Variants in HTR4 observed in about 807,000 individuals in gnomAD.
The protein encoded by HTR4 is 5-hydroxytryptamine (serotonin) receptor 4, G protein-coupled.
Under a neutral mutation model 36.8 loss-of-function variants are expected in HTR4, and 16 were observed. The ratio of observed to expected loss-of-function variants is 0.43; its 90% CI spans 0.29 to 0.66. The LOEUF is 0.66. Ranked by LOEUF, HTR4 falls within the 30% of genes least tolerant of loss-of-function variation. The pLI, the probability that HTR4 is intolerant of heterozygous loss-of-function variation, is 0.13. For synonymous variants in HTR4, 189 were observed against 185.1 expected (o/e 1.02, Z -0.17); for missense variants, 438 against 490.9 (o/e 0.89, Z 1.02).
In HTR4 at chr5:148,508,592, G is replaced by A. The variant is rs537944620; in HGVS notation, c.1076+864C>T. Among the ~76,000 whole-genome samples the A allele has an allele frequency of 1.1e-4, 16 of 152,134 alleles. No individual in the cohort carries two copies. The South Asian group carries it at 3.3e-3, about 32-fold the overall frequency. The stretch of plus-strand genomic sequence containing the variant: ...TCTCCTCCATGTCTCAAATTCTTAG[G>A]AAATACTGTTCTGTGTTCTGTAAAG... On this transcript the variant is annotated intron_variant, in intron 6 of 6. Transcript: ENST00000377888.
chr5:148,459,521 G>A (rs1161641720), intron 5 of HTR4, among the ~76,000 whole-genome samples: 1 of 151,974 alleles, frequency 6.6e-6, no homozygotes, highest in African/African-American at 2.4e-5. Context: ...GAACCAAAGG[G>A]GGTGACAAAC....
chr5:148,452,891 A>G (rs1322669611), intron 5 of HTR4, among the ~76,000 whole-genome samples: 2 of 152,228 alleles, frequency 1.3e-5, no homozygotes, highest in Non-Finnish European at 1.5e-5. Flanking sequence ...GCAAGACCTT[A>G]GGGAAGCTAG....
At chr5:148,573,971 A>G (rs1371937833) in intron 2 of HTR4, among the ~76,000 whole-genome samples, 1 of 152,050 alleles carries the variant, frequency 6.6e-6, no homozygotes, top group Non-Finnish European at 1.5e-5. Flanking sequence ...ATATTTGGAG[A>G]AAAATTACCA....
intron 6 of HTR4, among the ~76,000 whole-genome samples, chr5:148,486,535 G>C (rs919741285): frequency 1.3e-5 from 2 of 152,102 alleles, no homozygotes; most frequent in African/African-American, 2.4e-5. Context: ...TTTCCCATTT[G>C]TTAAATGAAG....
chr5:148,530,744 C>T lies in HTR4; in HGVS notation c.354-7398G>A, dbSNP rs962934010. Among the ~76,000 whole-genome samples the T allele has an allele frequency of 2.0e-4, 30 of 152,322 alleles. No homozygotes were observed. In the Middle Eastern group the frequency reaches 0.01, roughly 52 times the overall value. On this transcript the variant is annotated intron_variant, in intron 4 of 6. Coordinates refer to ENST00000377888, the MANE Select transcript of HTR4 (RefSeq NM_000870.7). ...TCCACCAACAGCTTGCACTGTGCACCTTGAAAAGCTGCAGACACTCAATGC... is the reference window on the plus strand; with the variant it reads ...TCCACCAACAGCTTGCACTGTGCACTTTGAAAAGCTGCAGACACTCAATGC...
In HTR4 at chr5:148,482,814, C is replaced by A. The variant is rs949470346; in HGVS notation, c.*389G>T. ...TTTTGTTGATATCTGGAAGCCCACA[C>A]AGCAAAGAAGGCGTATTTGGAGACA... is the stretch of plus-strand genomic sequence containing the variant. On this transcript the variant is annotated 3_prime_UTR_variant, in exon 7 of 7. Transcript: ENST00000377888. 8.5e-6 allele frequency: 9 copies of A among 1,057,816 alleles called. No homozygotes were observed. The African/African-American group carries it at 1.3e-4, about 15-fold the overall frequency. 65.5% of individuals were successfully genotyped at this position (1,057,816 alleles called of 1,614,324 possible).
chr5:148,574,887 G>C (rs1293926515), intron 2 of HTR4, among the ~76,000 whole-genome samples: 2 of 152,000 alleles, frequency 1.3e-5, no homozygotes, highest in Non-Finnish European at 2.9e-5. Context: ...TCTGGTTTCT[G>C]CTGCTAAAAT....
Position 148,568,528 on chromosome 5 carries a change from A to G in HTR4, c.27-18266T>C, listed in dbSNP as rs1373973937. ...GTGGTAATGAATTACATATTGTAGA[A>G]TCACTCTTCTTTTTACAAATTGTCC... On this transcript the variant is annotated intron_variant, in intron 2 of 6. Coordinates refer to ENST00000377888, the MANE Select transcript of HTR4 (RefSeq NM_000870.7). Among the ~76,000 whole-genome samples, 6 of 152,138 alleles carry G rather than the reference A, an allele frequency of 3.9e-5. No homozygotes were observed. In the East Asian group the frequency reaches 1.2e-3, roughly 29 times the overall value.
At chr5:148,582,920 C>G (rs1581506960) in intron 2 of HTR4, among the ~76,000 whole-genome samples, 1 of 151,904 alleles carries the variant, frequency 6.6e-6, no homozygotes, top group Non-Finnish European at 1.5e-5. Context: ...ATTGAATACC[C>G]TTTATTTCCT....
At chr5:148,595,253 A>C (rs894720267) in intron 2 of HTR4, among the ~76,000 whole-genome samples, 13 of 152,142 alleles carry the variant, frequency 8.5e-5, no homozygotes, top group African/African-American at 3.1e-4. Context: ...AAGTCAATCC[A>C]ACCAGAAAAT....
chr5:148,461,051 T>G (rs540230103), intron 5 of HTR4, among the ~76,000 whole-genome samples: 12 of 152,034 alleles, frequency 7.9e-5, no homozygotes, highest in Non-Finnish European at 1.5e-4. Flanking sequence ...CATTTGAAAG[T>G]GGACTTGGAT....
exon 6 of HTR4, chr5:148,451,049 G>A (rs1447924343): frequency 4.8e-6 from 7 of 1,465,208 alleles, no homozygotes; most frequent in Non-Finnish European, 6.5e-6. Flanking sequence ...TGTCCTCCAT[G>A]TACCTCCTCT....
chr5:148,545,499 TATAGAC>T (rs1759343018), intron 4 of HTR4, among the ~76,000 whole-genome samples: 1 of 152,240 alleles, frequency 6.6e-6, no homozygotes, highest in South Asian at 2.1e-4. Flanking sequence ...AAGAAGAAAG[TATAGAC>T]TTGATTTTAA....
intron 6 of HTR4, among the ~76,000 whole-genome samples, chr5:148,496,218 C>T (rs1397450259): frequency 6.6e-6 from 1 of 152,142 alleles, no homozygotes; most frequent in Non-Finnish European, 1.5e-5. Flanking sequence ...AGGACCATGG[C>T]TCTAAACCGT....
Position 148,490,805 on chromosome 5 carries a change from C to T in HTR4, c.1077-7512G>A, listed in dbSNP as rs1244576402. 8.5e-6 allele frequency: 7 copies of T among 828,104 alleles called. No homozygotes were observed. In the South Asian group the frequency reaches 9.8e-5, roughly 12 times the overall value. 51.3% of individuals were successfully genotyped at this position (828,104 alleles called of 1,614,324 possible). On this transcript the variant is annotated intron_variant, in intron 6 of 6. Transcript: ENST00000377888. ...CTTTGTTTCTTACCTCTCTCCCTCA[C>T]ATTATGCAGAAGAAGTCGAATTCCT...
chr5:148,510,082 G>T, intron 5 of HTR4, 58 bp from the exon 6 acceptor site: 1 of 1,170,864 alleles, frequency 8.5e-7, no homozygotes, highest in Non-Finnish European at 1.2e-6. Flanking sequence ...AAGAAAAAGT[G>T]AAAAAGAAGT....
intron 5 of HTR4, among the ~76,000 whole-genome samples, chr5:148,455,846 A>G (rs536638816): frequency 1.3e-5 from 2 of 152,256 alleles, no homozygotes; most frequent in South Asian, 4.1e-4. Context: ...AAGAGAGCAT[A>G]TATTTACTAT....
At chr5:148,654,038 C>A (rs1351629097) in intron 1 of HTR4, 24 bp downstream of exon 1, 2 of 985,082 alleles carry the variant, frequency 2.0e-6, no homozygotes, top group East Asian at 2.3e-4. Flanking sequence ...GGGTCCCGAC[C>A]CCCGGCGCAC....
At chr5:148,573,957 C>A (rs1373217633) in intron 2 of HTR4, among the ~76,000 whole-genome samples, 1 of 151,940 alleles carries the variant, frequency 6.6e-6, no homozygotes, top group Non-Finnish European at 1.5e-5. Flanking sequence ...GCTAAGTGTA[C>A]CAGATATTTG....
Sources: gnomAD v4.1 joint callset for allele counts (sites outside exome capture counted in the v4.1 genomes callset) on GRCh38, gnomAD v4.1.1 for gene constraint, MANE v1.5 for transcripts, NCBI Gene and HGNC (gene_info 2026-07-23, HGNC 2026-07-21) for gene names.